PXDNL: variants seen among roughly 807,000 people sequenced by gnomAD.
PXDNL encodes probable oxidoreductase PXDNL.
PXDNL carries 145 observed loss-of-function variants against 150.8 expected under a neutral mutation model. That is an observed-to-expected ratio of 0.96 (90% CI 0.84 to 1.10). The LOEUF (loss-of-function observed/expected upper bound fraction) is 1.10, where lower values mean the gene tolerates loss of function less well. Ranked by LOEUF, PXDNL falls within the 50% of genes least tolerant of loss-of-function variation. The pLI is 0.00. For synonymous variants in PXDNL, 757 were observed against 725.7 expected, an observed-to-expected ratio of 1.04 and a Z score of -0.69; for missense variants, 2,087 against 1,873.9, an observed-to-expected ratio of 1.11 and a Z score of -2.10.
chr8:51,788,888 T>G (rs903467785), intron 1 of PXDNL, among the ~76,000 whole-genome samples: 2 of 152,234 alleles, frequency 1.3e-5, no homozygotes, highest in Non-Finnish European at 2.9e-5. Context: ...CCGCACTAAC[T>G]GCCTTCCAGA....
chr8:51,483,662 G>C lies in PXDNL; in HGVS notation c.505C>G (p.Leu169Val). ...ACTTACAATCTTTTTAATGAATCCAGATTAGAAAAGCTCCCAGCTGGAATT... is the reference window on the plus strand; with the variant it reads ...ACTTACAATCTTTTTAATGAATCCACATTAGAAAAGCTCCCAGCTGGAATT... ...SKIPAGSFSN[L>V]DSLKRLRLDS... is the part of the protein sequence containing the mutation. The change falls in exon 6 of 23, where the codon CTG (leucine) becomes GTG (valine). Residue 169 changes from leucine to valine, a missense_variant. Coordinates refer to ENST00000356297, the MANE Select transcript of PXDNL (RefSeq NM_144651.5). 2 of 1,522,326 alleles carry C rather than the reference G, an allele frequency of 1.3e-6. No individual in the cohort carries two copies. The allele number at this position is 1,522,326 out of a possible 1,614,324, so 94.3% of individuals were successfully genotyped here.
intron 3 of PXDNL, among the ~76,000 whole-genome samples, chr8:51,562,757 C>T (rs1812743380): frequency 6.6e-6 from 1 of 151,980 alleles, no homozygotes; most frequent in African/African-American, 2.4e-5. Flanking sequence ...ACAGACATCA[C>T]AGATAGGTTT....
At chr8:51,383,409 G>A (rs578185278) in intron 17 of PXDNL, among the ~76,000 whole-genome samples, 4 of 152,254 alleles carry the variant, frequency 2.6e-5, no homozygotes, top group African/African-American at 9.6e-5. Flanking sequence ...AATCTGAGAT[G>A]GCATCCGAGG....
intron 6 of PXDNL, among the ~76,000 whole-genome samples, chr8:51,479,477 T>C (rs1357431215): frequency 6.6e-6 from 1 of 152,222 alleles, no homozygotes; most frequent in African/African-American, 2.4e-5. Flanking sequence ...CACATAGGAT[T>C]GAAAAACAAG....
chr8:51,408,893 T>C lies in PXDNL; in HGVS notation c.2731A>G (p.Arg911Gly). The C allele has an allele frequency of 6.2e-7, 1 of 1,607,060 alleles. No individual in the cohort carries two copies. ...GSSERESQAL[R>G]DPSVPRGLLK... ...AGACCCCGAGGCACCGAAGGGTCTC[T>C]GAGAGCCTGGGATTCCCGCTCCGAG... Residue 911 changes from arginine to glycine, a missense_variant, in exon 17 of 23, where the codon AGA (arginine) becomes GGA (glycine). Coordinates refer to ENST00000356297, the MANE Select transcript of PXDNL (RefSeq NM_144651.5).
chr8:51,526,085 C>T (rs1811764156), intron 4 of PXDNL, among the ~76,000 whole-genome samples: 1 of 152,064 alleles, frequency 6.6e-6, no homozygotes, highest in Non-Finnish European at 1.5e-5. Context: ...ACTGAAATGC[C>T]ATCATTTTAC....
intron 1 of PXDNL, among the ~76,000 whole-genome samples, chr8:51,730,934 G>A (rs1816905266): frequency 1.3e-5 from 2 of 152,226 alleles, no homozygotes; most frequent in South Asian, 4.2e-4. Context: ...CTCCCACTGA[G>A]TCCCTCCCAT....
chr8:51,392,255 G>GT (rs1192310863), intron 17 of PXDNL, among the ~76,000 whole-genome samples: 1 of 152,148 alleles, frequency 6.6e-6, no homozygotes, highest in Non-Finnish European at 1.5e-5. Flanking sequence ...CTTTAAAATA[G>GT]TTTTTTCCAC....
intron 20 of PXDNL, 72 bp downstream of exon 20, chr8:51,345,761 T>C: frequency 3.5e-6 from 3 of 865,468 alleles, no homozygotes; most frequent in Non-Finnish European, 1.9e-6. Flanking sequence ...TTAAAAAAGA[T>C]AAAAACAAAT....
In PXDNL at chr8:51,413,226, C is replaced by T. The variant is rs377617080; in HGVS notation, c.1828G>A (p.Val610Ile). Residue 610 changes from valine (V) to isoleucine (I), a missense_variant, in exon 15 of 23, where the codon GTT becomes ATT. Val to Ile is a conservative substitution (Grantham distance 29). Transcript: ENST00000356297. ...IQGRQAGDDFVESSILDAVQR... is the reference protein window; with the variant it reads ...IQGRQAGDDFIESSILDAVQR... Reference sequence around the variant, plus strand: ...ACAGCATCAAGAATGGAAGATTCAACAAAGTCATCGCCAGCTTGTCTACCC... The same window carrying T: ...ACAGCATCAAGAATGGAAGATTCAATAAAGTCATCGCCAGCTTGTCTACCC... 5 of 1,612,188 alleles carry T rather than the reference C, an allele frequency of 3.1e-6. No individual in the cohort carries two copies. The highest frequency in any genetic ancestry group is 1.6e-4 in the Middle Eastern group (1 of 6,078).
At chr8:51,674,945 A>G (rs778491283) in intron 1 of PXDNL, among the ~76,000 whole-genome samples, 2 of 152,162 alleles carry the variant, frequency 1.3e-5, no homozygotes, top group Non-Finnish European at 2.9e-5. Context: ...CTGGACTTAG[A>G]TTTCTTAATT....
At chr8:51,549,374 T>C (rs181568883) in intron 4 of PXDNL, among the ~76,000 whole-genome samples, 25 of 152,162 alleles carry the variant, frequency 1.6e-4, no homozygotes, top group Admixed American at 5.9e-4. Flanking sequence ...CTGAAGAACA[T>C]ATATATTTTT....
At chr8:51,431,049 T>C (rs2129798693) in intron 12 of PXDNL, among the ~76,000 whole-genome samples, 1 of 152,322 alleles carries the variant, frequency 6.6e-6, no homozygotes, top group Admixed American at 6.5e-5. Context: ...TCAACTCCTA[T>C]ACTCTTCTCC....
chr8:51,565,631 G>A (rs1812811116), intron 3 of PXDNL, among the ~76,000 whole-genome samples: 1 of 151,884 alleles, frequency 6.6e-6, no homozygotes, highest in African/African-American at 2.4e-5. Flanking sequence ...ATGGATGGCT[G>A]AGACAGTGAC....
chr8:51,729,561 A>T (rs920104835), intron 1 of PXDNL, among the ~76,000 whole-genome samples: 1 of 152,244 alleles, frequency 6.6e-6, no homozygotes, highest in Non-Finnish European at 1.5e-5. Flanking sequence ...AATGCAAAAC[A>T]GTAGAGCCAC....
intron 19 of PXDNL, among the ~76,000 whole-genome samples, chr8:51,358,846 G>A (rs1806613197): frequency 6.6e-6 from 1 of 152,158 alleles, no homozygotes; most frequent in South Asian, 2.1e-4. Flanking sequence ...GGAACCCTGG[G>A]GAAAAATGCA....
At chr8:51,545,288 A>T (rs1201626957) in intron 4 of PXDNL, among the ~76,000 whole-genome samples, 1 of 152,234 alleles carries the variant, frequency 6.6e-6, no homozygotes, top group African/African-American at 2.4e-5. Flanking sequence ...CATCACAGTG[A>T]TAAGGGCTTT....
In PXDNL at chr8:51,644,368, G is replaced by GTA. The variant is rs1271016805; in HGVS notation, c.236+10319_236+10320dup. 1.3e-3 allele frequency among the ~76,000 whole-genome samples: 67 copies of GTA among 49,880 alleles called. 1 individual carries two copies. Among genetic ancestry groups the GTA allele is most frequent in the African/African-American group, 2.9e-3 (50 of 17,492 alleles). 32.7% of individuals were successfully genotyped at this position (49,880 alleles called of 152,430 possible). A position where few individuals can be genotyped will look rare whatever the true frequency, so the allele number is the denominator to read the frequency against. ...CACACACACACACACACACACATAT[G>GTA]TATATATATACACACACATATGTGT... On this transcript the variant is annotated intron_variant, in intron 2 of 22. Coordinates refer to ENST00000356297, the MANE Select transcript of PXDNL (RefSeq NM_144651.5).
chr8:51,369,423 T>C (rs1807023692), intron 19 of PXDNL, among the ~76,000 whole-genome samples: 1 of 152,222 alleles, frequency 6.6e-6, no homozygotes, highest in Non-Finnish European at 1.5e-5. Flanking sequence ...TGGTCCACTT[T>C]GGAGCAGTTA....
Sources: gnomAD v4.1 joint callset for allele counts (sites outside exome capture counted in the v4.1 genomes callset) on GRCh38, gnomAD v4.1.1 for gene constraint, MANE v1.5 for transcripts, NCBI Gene and HGNC (gene_info 2026-07-23, HGNC 2026-07-21) for gene names.